DLGAP2: variants seen among roughly 807,000 people sequenced by gnomAD.
The protein encoded by DLGAP2 is disks large-associated protein 2.
In DLGAP2, 26 loss-of-function variants were observed where a neutral mutation model predicts 100.3. That is an observed-to-expected ratio of 0.26 (90% confidence interval 0.19 to 0.36). The LOEUF is 0.36. Among genes scored for constraint, DLGAP2 ranks in the 10% least tolerant of loss-of-function variants. DLGAP2 has a pLI of 1.00. For missense variants in DLGAP2, 1,858 were observed against 1,453.2 expected, an observed-to-expected ratio of 1.28 and a Z score of -4.53; for synonymous variants, 886 against 630.1, an observed-to-expected ratio of 1.41 and a Z score of -6.08.
chr8:1,132,690 C>G (rs1796319503), intron 2 of DLGAP2, among the ~76,000 whole-genome samples: 4 of 152,202 alleles, frequency 2.6e-5, no homozygotes, highest in African/African-American at 7.2e-5. Context: ...AGCTGCCGCT[C>G]TAATCCTGGC....
At chr8:964,925 C>A (rs1161142981) in intron 2 of DLGAP2, among the ~76,000 whole-genome samples, 1 of 152,184 alleles carries the variant, frequency 6.6e-6, no homozygotes, top group African/African-American at 2.4e-5. Flanking sequence ...CTTCCACGTT[C>A]ACACGGCACT....
chr8:776,671 T>C (rs1281979382), intron 1 of DLGAP2, among the ~76,000 whole-genome samples: 1 of 152,240 alleles, frequency 6.6e-6, no homozygotes, highest in Non-Finnish European at 1.5e-5. Flanking sequence ...TGAGTGAGAT[T>C]CTTAATCCTG....
At chr8:1,386,184 C>G (rs187387669) in intron 3 of DLGAP2, among the ~76,000 whole-genome samples, 1 of 152,258 alleles carries the variant, frequency 6.6e-6, no homozygotes, top group African/African-American at 2.4e-5. Context: ...CATATGATGA[C>G]AAAGCTCTCA....
rs934131984 is a variant in DLGAP2 at position 1,159,586 on chromosome 8, T to TTTAAC, written c.74-99263_74-99262insAACTT. ...ACGAAGCAGCACACTCTTCTGTGTA[T>TTTAAC]TTTTCTATCTAGATTTGTACAACAG... is the stretch of plus-strand genomic sequence containing the variant. On this transcript the variant is annotated intron_variant, in intron 2 of 14. Transcript: ENST00000637795. Among the ~76,000 whole-genome samples, 183 of 151,590 alleles carry TTTAAC rather than the reference T, an allele frequency of 1.2e-3. 1 individual carries two copies. Among genetic ancestry groups the TTTAAC allele is most frequent in the African/African-American group, 4.3e-3 (176 of 41,294 alleles).
chr8:1,174,082 G>A (rs1797196330), intron 2 of DLGAP2, among the ~76,000 whole-genome samples: 1 of 152,190 alleles, frequency 6.6e-6, no homozygotes, highest in Non-Finnish European at 1.5e-5. Context: ...TAGGGGTCAT[G>A]GGAGCAGTGT....
rs932475284 is a variant in DLGAP2, at chr8:1,487,088, A to G, written c.107-14278A>G. ...TCCGAGGCTTTAAAAATGAATTGCA[A>G]TGTAAGTGCTGTGCTAAAACCTTGT... On this transcript the variant is annotated intron_variant, in intron 3 of 14. Transcript: ENST00000637795. Among the ~76,000 whole-genome samples the G allele has an allele frequency of 3.3e-5, 5 of 152,216 alleles. No individual in the cohort carries two copies. In the East Asian group the frequency reaches 5.8e-4, roughly 18 times the overall value.
At chr8:1,585,440 G>A (rs1405277604) in intron 6 of DLGAP2, among the ~76,000 whole-genome samples, 18 of 152,122 alleles carry the variant, frequency 1.2e-4, no homozygotes, top group Non-Finnish European at 2.9e-5. Context: ...CTCCAGCCTG[G>A]GCAAAAGACC....
intron 2 of DLGAP2, among the ~76,000 whole-genome samples, chr8:996,584 T>G (rs1563134526): frequency 6.6e-6 from 1 of 152,250 alleles, no homozygotes; most frequent in East Asian, 1.9e-4. Flanking sequence ...TCTCTCATGA[T>G]GGAGAGACAA....
chr8:1,075,155 GACAA>G (rs1253488777), intron 2 of DLGAP2, among the ~76,000 whole-genome samples: 1 of 152,226 alleles, frequency 6.6e-6, no homozygotes, highest in Non-Finnish European at 1.5e-5. Flanking sequence ...TTGGGGCTGA[GACAA>G]ACAGCCCCTC....
chr8:1,670,146 C>T (rs1448375435), intron 10 of DLGAP2, among the ~76,000 whole-genome samples: 2 of 152,230 alleles, frequency 1.3e-5, no homozygotes, highest in African/African-American at 2.4e-5. Flanking sequence ...TTCTCCTCAG[C>T]CACCTCCCAC....
chr8:927,407 ACCT>A (rs1196774547), intron 2 of DLGAP2, among the ~76,000 whole-genome samples: 3 of 152,184 alleles, frequency 2.0e-5, no homozygotes, highest in Non-Finnish European at 4.4e-5. Context: ...TCTTGGGTCT[ACCT>A]GAGCATACGC....
At chr8:759,421 A>AGGGTTGGGACACGTTCCCG (rs1821020259) in intron 1 of DLGAP2, among the ~76,000 whole-genome samples, 1 of 147,632 alleles carries the variant, frequency 6.8e-6, no homozygotes, top group African/African-American at 2.5e-5. Context: ...GCACGTTTCC[A>AGGGTTGGGACACGTTCCCG]GGGTTGGGAC....
At chr8:1,489,502 G>A (rs1449817790) in intron 3 of DLGAP2, among the ~76,000 whole-genome samples, 1 of 152,158 alleles carries the variant, frequency 6.6e-6, no homozygotes, top group African/African-American at 2.4e-5. Flanking sequence ...TTCATTCCAG[G>A]CCATCTCATT....
chr8:1,592,604 T>C (rs537501299), intron 6 of DLGAP2, among the ~76,000 whole-genome samples: 36 of 152,290 alleles, frequency 2.4e-4, no homozygotes, highest in South Asian at 2.1e-3. Flanking sequence ...AGGGCTCCCA[T>C]TGCATTACTG....
At chr8:741,019 T>C (rs967657796) in intron 1 of DLGAP2, among the ~76,000 whole-genome samples, 2 of 152,202 alleles carry the variant, frequency 1.3e-5, no homozygotes, top group African/African-American at 4.8e-5. Flanking sequence ...AGGCACACTT[T>C]CTATGCAGTT....
At chr8:959,910 C>G (rs779221841) in intron 2 of DLGAP2, among the ~76,000 whole-genome samples, 6 of 152,008 alleles carry the variant, frequency 3.9e-5, no homozygotes, top group Admixed American at 6.5e-5. Context: ...GAACAGCTGT[C>G]TCAAAAAGGA....
At chr8:848,280 GTGTTCCAATATAGAAACGTGCGGTGCC>G (rs1797108734) in intron 1 of DLGAP2, among the ~76,000 whole-genome samples, 2 of 151,852 alleles carry the variant, frequency 1.3e-5, no homozygotes, top group Admixed American at 1.3e-4. Flanking sequence ...CGTGTGGTGT[GTGTTCCAATATAGAAACGTGCGGTGCC>G]TGTTCCAGTA....
chr8:1,252,689 C>T (rs188400966), intron 2 of DLGAP2, among the ~76,000 whole-genome samples: 44 of 152,344 alleles, frequency 2.9e-4, no homozygotes, highest in Middle Eastern at 6.8e-3. Flanking sequence ...CTAGCGAGGC[C>T]GCCGGGTGTC....
chr8:1,578,750 A>G (rs1803099226), intron 6 of DLGAP2, among the ~76,000 whole-genome samples: 1 of 152,178 alleles, frequency 6.6e-6, no homozygotes, highest in African/African-American at 2.4e-5. Context: ...AGTGCAAGAT[A>G]ATAGAAGGCC....
Sources: gnomAD v4.1 joint callset for allele counts (sites outside exome capture counted in the v4.1 genomes callset) on GRCh38, gnomAD v4.1.1 for gene constraint, MANE v1.5 for transcripts, NCBI Gene and HGNC (gene_info 2026-07-23, HGNC 2026-07-21) for gene names.